Variants in TEX52 observed in about 807,000 individuals in gnomAD.
TEX52 encodes testis-expressed protein 52.
A neutral mutation model predicts 17.6 loss-of-function variants in TEX52; 22 were observed. That is an observed-to-expected ratio of 1.25 (90% CI 0.89 to 1.78). The LOEUF is 1.78. TEX52 is among the 40% of genes most tolerant of loss of function. The pLI is 0.00. For missense variants in TEX52, 396 were observed against 372.3 expected (o/e 1.06, Z -0.52); for synonymous variants, 168 against 147.4 (o/e 1.14, Z -1.01).
intron 2 of TEX52, among the ~76,000 whole-genome samples, chr12:2,853,575 T>G (rs542224845): frequency 6.7e-6 from 1 of 149,936 alleles, no homozygotes; most frequent in South Asian, 2.1e-4. Flanking sequence ...GCCCGGCCTG[T>G]TTTTTTTGTT....
downstream of TEX52, among the ~76,000 whole-genome samples, chr12:2,848,879 A>G (rs200395681): frequency 6.6e-4 from 72 of 109,876 alleles, no homozygotes; most frequent in Middle Eastern, 0.02. Flanking sequence ...ACACACACGC[A>G]CACACACACA....
At chr12:2,848,942 G>A, downstream of TEX52, 1 of 401,418 alleles carries the variant, frequency 2.5e-6, no homozygotes, top group African/African-American at 2.1e-5. Flanking sequence ...CTCTCCTTAG[G>A]AACTGGAGCC....
intron 2 of TEX52, among the ~76,000 whole-genome samples, chr12:2,854,583 G>A (rs2098081362): frequency 6.6e-6 from 1 of 152,166 alleles, no homozygotes; most frequent in Non-Finnish European, 1.5e-5. Context: ...TGCATGTGTA[G>A]CCTTTTTTTG....
rs538610845 is a variant in TEX52 at position 2,851,163 on chromosome 12, G to GA, written c.624-1639dup. On this transcript the variant is annotated intron_variant, in intron 2 of 2. Coordinates refer to ENST00000637658, the MANE Select transcript of TEX52 (RefSeq NM_001365174.2). Reference sequence around the variant, plus strand: ...GGGCGACAAGAGCGAAACTCCATCTGAAAAAAAAAAATTAAAGATTTAAAG... The same window carrying GA: ...GGGCGACAAGAGCGAAACTCCATCTGAAAAAAAAAAAATTAAAGATTTAAAG... Among the ~76,000 whole-genome samples, 976 of 143,772 alleles carry GA rather than the reference G, an allele frequency of 6.8e-3. 7 individuals carry two copies. The highest frequency in any genetic ancestry group is 0.016 in the South Asian group (74 of 4,504). The allele number at this position is 143,772 out of a possible 152,430, so 94.3% of individuals were successfully genotyped here.
At position 2,849,174 on chromosome 12, in the gene TEX52, T is replaced by G; in HGVS notation, c.*57A>C. 11 of 1,472,216 alleles carry G rather than the reference T, an allele frequency of 7.5e-6. No individual in the cohort carries two copies. The highest frequency in any genetic ancestry group is 9.0e-6 in the Non-Finnish European group (10 of 1,115,176). 91.2% of individuals were successfully genotyped at this position (1,472,216 alleles called of 1,614,324 possible). On this transcript the variant is annotated 3_prime_UTR_variant, in exon 3 of 3. Transcript: ENST00000637658. ...GGCCTCTTGCTGAAGGAGCATTGATTGAGAACACTGGAGCCTGGGGCTCTG... is the reference window on the plus strand; with the variant it reads ...GGCCTCTTGCTGAAGGAGCATTGATGGAGAACACTGGAGCCTGGGGCTCTG...
At chr12:2,856,561 T>C (rs889391502) in intron 1 of TEX52, among the ~76,000 whole-genome samples, 1 of 152,142 alleles carries the variant, frequency 6.6e-6, no homozygotes, top group African/African-American at 2.4e-5. Context: ...GACGGTTTCA[T>C]CATGTTGGCC....
rs201077182 is a variant in TEX52 at position 2,849,525 on chromosome 12, C to A, written c.624G>T (p.Lys208Asn). ...GNIQPPASFK[K>N]YRHISAGGRF... Reference sequence around the variant, plus strand: ...TCCCACCAGCGGATATGTGCCGGTACCTGTTGGGAGAAGGGTATGGAGAGA... The same window carrying A: ...TCCCACCAGCGGATATGTGCCGGTAACTGTTGGGAGAAGGGTATGGAGAGA... Residue 208 changes from lysine to asparagine, a missense_variant and splice_region_variant, in exon 3 of 3, where the codon AAG becomes AAT. Physicochemically the swap from Lys to Asn is moderately conservative, Grantham distance 94 (BLOSUM62 0). Coordinates refer to ENST00000637658, the MANE Select transcript of TEX52 (RefSeq NM_001365174.2). The A allele has an allele frequency of 1.2e-4, 185 of 1,535,974 alleles. No homozygotes were observed. The Middle Eastern group carries it at 3.0e-3, about 25-fold the overall frequency.
At chr12:2,854,338 T>G (rs1435593599) in intron 2 of TEX52, among the ~76,000 whole-genome samples, 1 of 152,210 alleles carries the variant, frequency 6.6e-6, no homozygotes, top group Non-Finnish European at 1.5e-5. Context: ...ACATCTAACT[T>G]TTGTTCAGTT....
chr12:2,852,726 C>T (rs765927481), intron 2 of TEX52, among the ~76,000 whole-genome samples: 6 of 151,640 alleles, frequency 4.0e-5, no homozygotes, highest in Non-Finnish European at 5.9e-5. Flanking sequence ...TTAATGAGGC[C>T]GGGCACGGTG....
At chr12:2,856,100 C>T (rs1404392972) in intron 1 of TEX52, among the ~76,000 whole-genome samples, 1 of 152,146 alleles carries the variant, frequency 6.6e-6, no homozygotes, top group African/African-American at 2.4e-5. Context: ...TAAATACTTA[C>T]ATGGATCTTA....
rs1056674530 is a variant in TEX52 at position 2,849,166 on chromosome 12, G to A, written c.*65C>T. The A allele has an allele frequency of 8.3e-6, 12 of 1,449,896 alleles. No individual in the cohort carries two copies. The highest frequency in any genetic ancestry group is 2.8e-5 in the African/African-American group (2 of 70,204). The allele number at this position is 1,449,896 out of a possible 1,614,324, so 89.8% of individuals were successfully genotyped here. On this transcript the variant is annotated 3_prime_UTR_variant, in exon 3 of 3. Coordinates refer to ENST00000637658, the MANE Select transcript of TEX52 (RefSeq NM_001365174.2). ...TACCCCAGGGCCTCTTGCTGAAGGAGCATTGATTGAGAACACTGGAGCCTG... is the reference window on the plus strand; with the variant it reads ...TACCCCAGGGCCTCTTGCTGAAGGAACATTGATTGAGAACACTGGAGCCTG...
At chr12:2,855,634 T>C (rs1024222548) in intron 1 of TEX52, among the ~76,000 whole-genome samples, 188 bp from the exon 2 acceptor site, 11 of 152,198 alleles carry the variant, frequency 7.2e-5, no homozygotes, top group Non-Finnish European at 1.6e-4. Context: ...GGCTGCTGCG[T>C]ATCATCTTCA....
At chr12:2,852,524 G>A (rs971471089) in intron 2 of TEX52, among the ~76,000 whole-genome samples, 3 of 152,108 alleles carry the variant, frequency 2.0e-5, no homozygotes, top group Admixed American at 1.3e-4. Flanking sequence ...GTGCCACCAT[G>A]CCTGGCTAAT....
intron 1 of TEX52, among the ~76,000 whole-genome samples, chr12:2,855,778 T>A (rs1398791410): frequency 6.6e-6 from 1 of 152,160 alleles, no homozygotes; most frequent in Non-Finnish European, 1.5e-5. Flanking sequence ...ACCCAGGAAC[T>A]GGTGCTCCTT....
chr12:2,848,613 A>G (rs1352275197), downstream of TEX52, among the ~76,000 whole-genome samples: 2 of 151,892 alleles, frequency 1.3e-5, no homozygotes, highest in Non-Finnish European at 2.9e-5. Context: ...TGACTCTCCC[A>G]TTCTCCAGCA....
chr12:2,852,369 G>T (rs1603490797), intron 2 of TEX52, among the ~76,000 whole-genome samples: 1 of 149,666 alleles, frequency 6.7e-6, no homozygotes, highest in Non-Finnish European at 1.5e-5. Context: ...TGTGGGAACT[G>T]TTTTTTTTTT....
chr12:2,854,804 C>T, intron 2 of TEX52, 92 bp downstream of exon 2: 3 of 1,319,400 alleles, frequency 2.3e-6, no homozygotes, highest in Non-Finnish European at 3.0e-6. Flanking sequence ...CGGGGAAGGA[C>T]AGAGTCCCGG....
rs370531674 is a variant in TEX52 at position 2,853,203 on chromosome 12, G to A, written c.623+1693C>T. On this transcript the variant is annotated intron_variant, in intron 2 of 2. Coordinates refer to ENST00000637658, the MANE Select transcript of TEX52 (RefSeq NM_001365174.2). The stretch of plus-strand genomic sequence containing the variant: ...CAGCAACTGGCAATCTTCAGGGCAA[G>A]GGTAGCAGGGAAGCAGGGAGAAGCC... Among the ~76,000 whole-genome samples, 54 of 152,234 alleles carry A rather than the reference G, an allele frequency of 3.5e-4. 1 individual carries two copies. In the South Asian group the frequency reaches 0.01, roughly 29 times the overall value.
chr12:2,849,888 A>G (rs2098064594), intron 2 of TEX52, among the ~76,000 whole-genome samples: 1 of 152,196 alleles, frequency 6.6e-6, no homozygotes, highest in Non-Finnish European at 1.5e-5. Context: ...AACTCAGCTC[A>G]ACTGGATAAC....
Sources: gnomAD v4.1 joint callset for allele counts (sites outside exome capture counted in the v4.1 genomes callset) on GRCh38, gnomAD v4.1.1 for gene constraint, MANE v1.5 for transcripts, NCBI Gene and HGNC (gene_info 2026-07-23, HGNC 2026-07-21) for gene names.